CACNA2D3: variants seen among roughly 807,000 people sequenced by gnomAD.
CACNA2D3 encodes calcium voltage-gated channel auxiliary subunit alpha2delta 3.
A neutral mutation model predicts 160.6 loss-of-function variants in CACNA2D3; 60 were observed. The ratio of observed to expected loss-of-function variants is 0.37; its 90% CI spans 0.30 to 0.46. CACNA2D3 has a LOEUF of 0.46. Ranked by LOEUF, CACNA2D3 falls within the 20% of genes least tolerant of loss-of-function variation. The pLI, the probability that CACNA2D3 is intolerant of heterozygous loss-of-function variation, is 1.00. For missense variants in CACNA2D3, 1,205 were observed against 1,365.0 expected (o/e 0.88, Z 1.85); for synonymous variants, 558 against 492.9 (o/e 1.13, Z -1.75).
chr3:54,565,466 A>AC (rs1270077222), intron 6 of CACNA2D3, among the ~76,000 whole-genome samples: 1 of 152,088 alleles, frequency 6.6e-6, no homozygotes, highest in Non-Finnish European at 1.5e-5. Flanking sequence ...ATAGGCCTTC[A>AC]CCAGTTCAAT....
chr3:54,174,096 C>T lies in CACNA2D3; in HGVS notation c.204+50502C>T, dbSNP rs768048448. 2.6e-5 allele frequency among the ~76,000 whole-genome samples: 4 copies of T among 152,086 alleles called. No homozygotes were observed. In the East Asian group the frequency reaches 5.8e-4, roughly 22 times the overall value. On this transcript the variant is annotated intron_variant, in intron 2 of 37. Coordinates refer to ENST00000474759, the MANE Select transcript of CACNA2D3 (RefSeq NM_018398.3). ...TTTGCAACTCTATATATTTGTAGCA[C>T]GACAGCAGCCAGAGACAGTACATAA... is the stretch of plus-strand genomic sequence containing the variant.
intron 27 of CACNA2D3, among the ~76,000 whole-genome samples, chr3:54,909,643 A>ATTT (rs759615370): frequency 3.0e-4 from 37 of 123,836 alleles, no homozygotes; most frequent in African/African-American, 9.2e-4. Flanking sequence ...TTTTTTTGTG[A>ATTT]TTTTTTTTTT....
At position 54,933,760 on chromosome 3, in the gene CACNA2D3, CTTT is replaced by C. The variant is rs34842038; in HGVS notation, c.2449+33906_2449+33908del. Among the ~76,000 whole-genome samples, 222 of 141,154 alleles carry C rather than the reference CTTT, an allele frequency of 1.6e-3. 2 individuals are homozygous for C. The highest frequency in any genetic ancestry group is 3.3e-3 in the Admixed American group (47 of 14,210). 92.6% of individuals were successfully genotyped at this position (141,154 alleles called of 152,430 possible). On this transcript the variant is annotated intron_variant, in intron 27 of 37. Transcript: ENST00000474759. ...TGAATGAATAAAGATATTACTATTA[CTTT>C]TTTTTTTTTTTTTGAGACAAAGTCT...
At position 54,560,088 on chromosome 3, in the gene CACNA2D3, T is replaced by C. The variant is rs570578761; in HGVS notation, c.545-2712T>C. Reference sequence around the variant, plus strand: ...TATAATAGACTGATTTATACTCCTTTGAGTATATGCCCAGTAATGGGATTG... The same window carrying C: ...TATAATAGACTGATTTATACTCCTTCGAGTATATGCCCAGTAATGGGATTG... On this transcript the variant is annotated intron_variant, in intron 5 of 37. Transcript: ENST00000474759. 4.6e-5 allele frequency among the ~76,000 whole-genome samples: 7 copies of C among 152,342 alleles called. No homozygotes were observed. In the South Asian group the frequency reaches 1.4e-3, roughly 32 times the overall value.
intron 4 of CACNA2D3, among the ~76,000 whole-genome samples, chr3:54,465,680 A>C (rs1389361157): frequency 2.0e-5 from 3 of 152,246 alleles, no homozygotes; most frequent in Non-Finnish European, 4.4e-5. Context: ...GTGCAAAAGT[A>C]ATTGGCATTG....
chr3:54,257,390 C>G (rs1575348899), intron 2 of CACNA2D3, among the ~76,000 whole-genome samples: 1 of 152,298 alleles, frequency 6.6e-6, no homozygotes, highest in East Asian at 1.9e-4. Flanking sequence ...CTGCATTCTT[C>G]TTTTGAGAGA....
At chr3:54,992,704 C>T (rs890798428) in intron 31 of CACNA2D3, among the ~76,000 whole-genome samples, 1 of 151,706 alleles carries the variant, frequency 6.6e-6, no homozygotes, top group East Asian at 1.9e-4. Flanking sequence ...ATGGGAGGGG[C>T]CCCCACCTTC....
At chr3:54,493,707 C>G (rs770935413) in intron 4 of CACNA2D3, among the ~76,000 whole-genome samples, 2 of 152,194 alleles carry the variant, frequency 1.3e-5, no homozygotes, top group Non-Finnish European at 2.9e-5. Context: ...TAATTTCTGT[C>G]CCTTGAATAT....
At chr3:54,609,869 A>G (rs555512497) in intron 9 of CACNA2D3, among the ~76,000 whole-genome samples, 1 of 152,232 alleles carries the variant, frequency 6.6e-6, no homozygotes, top group Non-Finnish European at 1.5e-5. Context: ...TTGGACGGCC[A>G]TAACAAAGTA....
intron 17 of CACNA2D3, among the ~76,000 whole-genome samples, chr3:54,862,171 CAG>C (rs1161339365): frequency 6.6e-6 from 1 of 152,062 alleles, no homozygotes; most frequent in East Asian, 1.9e-4. Flanking sequence ...ACAGTATCCT[CAG>C]AGGGTTGCAG....
intron 2 of CACNA2D3, among the ~76,000 whole-genome samples, chr3:54,300,429 G>T (rs1703447242): frequency 6.6e-6 from 1 of 152,202 alleles, no homozygotes; most frequent in African/African-American, 2.4e-5. Context: ...ATTTACAAAG[G>T]ATTATTTATT....
intron 5 of CACNA2D3, among the ~76,000 whole-genome samples, chr3:54,513,195 C>T (rs1398670175): frequency 6.6e-6 from 1 of 152,102 alleles, no homozygotes; most frequent in Non-Finnish European, 1.5e-5. Flanking sequence ...ACCTGGGGGC[C>T]CTCAGATGTT....
intron 3 of CACNA2D3, among the ~76,000 whole-genome samples, chr3:54,345,845 T>TAAA (rs1553630984): frequency 1.7e-4 from 26 of 151,196 alleles, no homozygotes; most frequent in African/African-American, 4.4e-4. Context: ...TTTTTTTTTT[T>TAAA]AAAAAAATTG....
chr3:54,868,855 A>G lies in CACNA2D3; in HGVS notation c.1627-2684A>G, dbSNP rs536205655. ...GAGCCTGTGTCATTCCACAAAATGC[A>G]TGACTCTCAGGAATCTTGCTAGCTG... On this transcript the variant is annotated intron_variant, in intron 17 of 37. Coordinates refer to ENST00000474759, the MANE Select transcript of CACNA2D3 (RefSeq NM_018398.3). 1.6e-4 allele frequency among the ~76,000 whole-genome samples: 25 copies of G among 152,370 alleles called. No homozygotes were observed. In the East Asian group the frequency reaches 4.1e-3, roughly 25 times the overall value.
intron 6 of CACNA2D3, among the ~76,000 whole-genome samples, chr3:54,569,515 C>G (rs1702461076): frequency 6.6e-6 from 1 of 152,200 alleles, no homozygotes; most frequent in South Asian, 2.1e-4. Flanking sequence ...AGGGAAGGAG[C>G]TGGAGTCACA....
intron 2 of CACNA2D3, among the ~76,000 whole-genome samples, chr3:54,284,062 A>G (rs1285890312): frequency 6.6e-6 from 1 of 152,170 alleles, no homozygotes; most frequent in East Asian, 1.9e-4. Context: ...ACTCCATCTC[A>G]AAAAACAAAA....
At chr3:54,157,356 C>G (rs189296570) in intron 2 of CACNA2D3, among the ~76,000 whole-genome samples, 30 of 152,218 alleles carry the variant, frequency 2.0e-4, no homozygotes, top group Non-Finnish European at 1.3e-4. Flanking sequence ...TGTAGGGGGA[C>G]ACAATATATC....
intron 11 of CACNA2D3, among the ~76,000 whole-genome samples, chr3:54,731,294 G>A (rs1701379748): frequency 6.6e-6 from 1 of 152,150 alleles, no homozygotes; most frequent in African/African-American, 2.4e-5. Context: ...TAGGATCTTT[G>A]ACATTTTATA....
intron 5 of CACNA2D3, among the ~76,000 whole-genome samples, chr3:54,541,867 G>A (rs1701984931): frequency 6.6e-6 from 1 of 151,832 alleles, no homozygotes; most frequent in African/African-American, 2.4e-5. Flanking sequence ...TCATAGCAGT[G>A]GCAATGTTGT....
Sources: gnomAD v4.1 joint callset for allele counts (sites outside exome capture counted in the v4.1 genomes callset) on GRCh38, gnomAD v4.1.1 for gene constraint, MANE v1.5 for transcripts, NCBI Gene and HGNC (gene_info 2026-07-23, HGNC 2026-07-21) for gene names.